MAPK8IP1: variants seen among roughly 807,000 people sequenced by gnomAD.
The protein encoded by MAPK8IP1 is mitogen-activated protein kinase 8 interacting protein 1, also known as C-Jun-amino-terminal kinase-interacting protein 1.
In MAPK8IP1, 17 loss-of-function variants were observed where a neutral mutation model predicts 72.6. That is an observed-to-expected ratio of 0.23 (90% CI 0.16 to 0.35). The LOEUF (loss-of-function observed/expected upper bound fraction) is 0.35, where lower values mean the gene tolerates loss of function less well. Among genes scored for constraint, MAPK8IP1 ranks in the 10% least tolerant of loss-of-function variants. The probability of loss-of-function intolerance (pLI) is 1.00; values close to 1 mark genes in which losing one functional copy is unlikely to be tolerated. For synonymous variants in MAPK8IP1, 401 were observed against 443.4 expected (o/e 0.90, Z 1.20); for missense variants, 789 against 1,009.7 (o/e 0.78, Z 2.96).
Position 45,902,738 on chromosome 11 carries a change from G to A in MAPK8IP1, c.971G>A (p.Arg324Gln), listed in dbSNP as rs771163572. ...GCCGCCTACCCCTCCACGGCAGGGC[G>A]GCCGCACCCCTCCATCAGTGAAGAG... Reference protein sequence around the residue: ...DPAAYPSTAGRPHPSISEEEE... With the variant: ...DPAAYPSTAGQPHPSISEEEE... The change falls in exon 5 of 12, where the codon CGG becomes CAG. Residue 324 changes from arginine to glutamine, a missense_variant. By Grantham distance (43) the Arg-to-Gln change is conservative. This residue lies in a region of MAPK8IP1 where 377 missense variants were observed against 411.7 expected (regional missense o/e 0.92). Coordinates refer to ENST00000241014, the MANE Select transcript of MAPK8IP1 (RefSeq NM_005456.4). This position sits in a 1 kb window ranked among gnomAD's most constrained non-coding sequence, Gnocchi z 9.3. 1.9e-5 allele frequency: 30 copies of A among 1,605,406 alleles called. No individual in the cohort carries two copies. Among genetic ancestry groups the A allele is most frequent in the South Asian group, 3.3e-5 (3 of 90,768 alleles).
rs1321911719 is a variant in MAPK8IP1, at chr11:45,905,825, C to T, written c.*104C>T. 3 of 1,164,828 alleles carry T rather than the reference C, an allele frequency of 2.6e-6. No individual in the cohort carries two copies. In the Admixed American group the frequency reaches 5.1e-5, roughly 20 times the overall value. 72.2% of individuals were successfully genotyped at this position (1,164,828 alleles called of 1,614,324 possible). ...GCTTGAGGAGGGGCACCTGCCACCG[C>T]CAGAGGACAAGGAAGTGGGGGCCGC... On this transcript the variant is annotated 3_prime_UTR_variant, in exon 12 of 12. Transcript: ENST00000241014.
rs1022548322 is a variant in MAPK8IP1, at chr11:45,900,969, G to A, written c.522+517G>A. Among the ~76,000 whole-genome samples, 4 of 152,140 alleles carry A rather than the reference G, an allele frequency of 2.6e-5. No homozygotes were observed. The highest frequency in any genetic ancestry group is 4.8e-5 in the African/African-American group (2 of 41,410). On this transcript the variant is annotated intron_variant, in intron 3 of 11. Coordinates refer to ENST00000241014, the MANE Select transcript of MAPK8IP1 (RefSeq NM_005456.4). This position sits in a 1 kb window ranked among gnomAD's most constrained non-coding sequence, Gnocchi z 6.5. ...GCAGCTGCGAATTCCCAGAAGGCAG[G>A]GGGGAGGAATGGGAGATGGAGCTGC...
Position 45,900,123 on chromosome 11 carries a change from C to T in MAPK8IP1, c.208-15C>T. On this transcript the variant is annotated splice_polypyrimidine_tract_variant and intron_variant, in intron 2 of 11. Coordinates refer to ENST00000241014, the MANE Select transcript of MAPK8IP1 (RefSeq NM_005456.4). The surrounding 1 kb of genome is among the most constrained non-coding windows in gnomAD (Gnocchi z 6.5). ...CCCGGCCCCGCCCCCTGACGCCCCTCCGTGCGCTGTGCAGCCCCCGCGCGC... is the reference window on the plus strand; with the variant it reads ...CCCGGCCCCGCCCCCTGACGCCCCTTCGTGCGCTGTGCAGCCCCCGCGCGC... 8.1e-7 allele frequency: 1 copy of T among 1,233,290 alleles called. No individual in the cohort carries two copies. The highest frequency in any genetic ancestry group is 3.4e-5 in the South Asian group (1 of 29,406). The allele number at this position is 1,233,290 out of a possible 1,614,324, so 76.4% of individuals were successfully genotyped here.
At chr11:45,890,577 G>A (rs543264176) in intron 1 of MAPK8IP1, among the ~76,000 whole-genome samples, 12 of 152,258 alleles carry the variant, frequency 7.9e-5, no homozygotes, top group Admixed American at 2.0e-4. Context: ...GTAAGAAGGA[G>A]GGACAGGTTC....
Position 45,900,067 on chromosome 11 carries a change from CG to C in MAPK8IP1, c.208-65del, listed in dbSNP as rs1228651012. 1.4e-5 allele frequency: 14 copies of C among 974,870 alleles called. No individual in the cohort carries two copies. Among genetic ancestry groups the C allele is most frequent in the Non-Finnish European group, 1.8e-5 (14 of 777,756 alleles). 60.4% of individuals were successfully genotyped at this position (974,870 alleles called of 1,614,324 possible). ...GCGCCACAGAATGGACTCGCCCGGG[CG>C]GGGGGCGGTGCAAGCGGCCTCGGCC... On this transcript the variant is annotated intron_variant, in intron 2 of 11. Coordinates refer to ENST00000241014, the MANE Select transcript of MAPK8IP1 (RefSeq NM_005456.4). This position sits in a 1 kb window ranked among gnomAD's most constrained non-coding sequence, Gnocchi z 6.5.
At chr11:45,887,145 C>T (rs967551894) in intron 1 of MAPK8IP1, among the ~76,000 whole-genome samples, 14 of 152,150 alleles carry the variant, frequency 9.2e-5, no homozygotes, top group Admixed American at 8.5e-4. Context: ...GCAAATACTG[C>T]CTCCCCACCT....
intron 1 of MAPK8IP1, chr11:45,897,058 T>A (rs903740770): frequency 1.6e-5 from 19 of 1,203,936 alleles, no homozygotes; most frequent in Non-Finnish European, 2.2e-5. Flanking sequence ...CTGGGCCTCC[T>A]AGGTTCCCCT....
intron 2 of MAPK8IP1, among the ~76,000 whole-genome samples, chr11:45,898,828 T>A (rs2086627612): frequency 6.6e-6 from 1 of 152,064 alleles, no homozygotes; most frequent in South Asian, 2.1e-4. Flanking sequence ...TGCCAGGAGG[T>A]CCCCAGCACC....
Position 45,902,638 on chromosome 11 carries a change from G to T in MAPK8IP1, c.871G>T (p.Asp291Tyr). ...CCTGACCCCAGTGCAGAGGCCCCCA[G>T]ACGCTGCAGAGCCCACCTCCGCCTT... is the stretch of plus-strand genomic sequence containing the variant. ...IYLTPVQRPP[D>Y]AAEPTSAFLP... The change falls in exon 5 of 12, where the codon GAC (aspartate) becomes TAC (tyrosine). Residue 291 changes from aspartate (D) to tyrosine (Y), a missense_variant. Coordinates refer to ENST00000241014, the MANE Select transcript of MAPK8IP1 (RefSeq NM_005456.4). This position sits in a 1 kb window ranked among gnomAD's most constrained non-coding sequence, Gnocchi z 9.3. 1 of 1,612,962 alleles carries T rather than the reference G, an allele frequency of 6.2e-7. No homozygotes were observed. Among genetic ancestry groups the T allele is most frequent in the Non-Finnish European group, 8.5e-7 (1 of 1,179,932 alleles).
intron 1 of MAPK8IP1, chr11:45,897,018 C>G: frequency 6.6e-7 from 1 of 1,511,946 alleles, no homozygotes; most frequent in African/African-American, 1.4e-5. Flanking sequence ...CTCAGGGTCT[C>G]TGATCTGAAT....
chr11:45,899,089 G>A (rs1281598915), intron 2 of MAPK8IP1, among the ~76,000 whole-genome samples: 2 of 152,180 alleles, frequency 1.3e-5, no homozygotes, highest in Admixed American at 1.3e-4. Context: ...GACTCAGTAA[G>A]CTCTGCAAGA....
intron 3 of MAPK8IP1, among the ~76,000 whole-genome samples, chr11:45,901,069 C>T (rs1031783717): frequency 2.6e-5 from 4 of 152,100 alleles, no homozygotes; most frequent in African/African-American, 9.7e-5. Context: ...GTTGGGGGAG[C>T]TGGCTGTGGC....
At chr11:45,898,540 A>G (rs181427824) in intron 2 of MAPK8IP1, among the ~76,000 whole-genome samples, 106 of 152,264 alleles carry the variant, frequency 7.0e-4, no homozygotes, top group Admixed American at 5.5e-3. Context: ...TTTTGGGAGC[A>G]GCCCTGGCAG....
At chr11:45,889,633 G>A (rs1486322484) in intron 1 of MAPK8IP1, among the ~76,000 whole-genome samples, 1 of 152,070 alleles carries the variant, frequency 6.6e-6, no homozygotes, top group Non-Finnish European at 1.5e-5. Flanking sequence ...TGTAGAAGGG[G>A]AATCGTGGAT....
chr11:45,905,345 TC>T, intron 11 of MAPK8IP1, 96 bp downstream of exon 11: 2 of 1,176,314 alleles, frequency 1.7e-6, no homozygotes, highest in Non-Finnish European at 2.5e-6. Context: ...CCCCTCGGTT[TC>T]CCCCGCAGCT....
At position 45,902,132 on chromosome 11, in the gene MAPK8IP1, C is replaced by T; in HGVS notation, c.604+71C>T. Reference sequence around the variant, plus strand: ...CTCAGTCCCCACTACAGAGAGCAAACCCTACAGTCTCCAAAGGGCTGAGTA... The same window carrying T: ...CTCAGTCCCCACTACAGAGAGCAAATCCTACAGTCTCCAAAGGGCTGAGTA... On this transcript the variant is annotated intron_variant, in intron 4 of 11. Transcript: ENST00000241014. This position sits in a 1 kb window ranked among gnomAD's most constrained non-coding sequence, Gnocchi z 9.3. 1 of 1,369,478 alleles carries T rather than the reference C, an allele frequency of 7.3e-7. No homozygotes were observed. The highest frequency in any genetic ancestry group is 1.0e-6 in the Non-Finnish European group (1 of 956,636). The allele number at this position is 1,369,478 out of a possible 1,614,324, so 84.8% of individuals were successfully genotyped here. A position where few individuals can be genotyped will look rare whatever the true frequency, so the allele number is the denominator to read the frequency against.
chr11:45,903,329 G>C lies in MAPK8IP1; in HGVS notation c.1418-36G>C. ...GCCCCGCTAAACCTGGATCAGAGCT[G>C]CGACCCCCCATCCAGCCACACCACC... On this transcript the variant is annotated intron_variant, in intron 5 of 11. Coordinates refer to ENST00000241014, the MANE Select transcript of MAPK8IP1 (RefSeq NM_005456.4). The surrounding 1 kb of genome is among the most constrained non-coding windows in gnomAD (Gnocchi z 6.4). The C allele has an allele frequency of 6.2e-7, 1 of 1,608,070 alleles. No individual in the cohort carries two copies. Among genetic ancestry groups the C allele is most frequent in the Non-Finnish European group, 8.5e-7 (1 of 1,175,538 alleles).
chr11:45,891,810 C>T (rs1404227350), intron 1 of MAPK8IP1, among the ~76,000 whole-genome samples: 1 of 152,214 alleles, frequency 6.6e-6, no homozygotes, highest in Non-Finnish European at 1.5e-5. Flanking sequence ...CATCACATTT[C>T]ATCTGCTGAT....
rs1590788404 is a variant in MAPK8IP1, at chr11:45,903,526, G to A, written c.1493+86G>A. The A allele has an allele frequency of 8.7e-7, 1 of 1,150,576 alleles. No individual in the cohort carries two copies. The highest frequency in any genetic ancestry group is 2.0e-5 in the Admixed American group (1 of 51,220). 71.3% of individuals were successfully genotyped at this position (1,150,576 alleles called of 1,614,324 possible). On this transcript the variant is annotated intron_variant, in intron 6 of 11. Transcript: ENST00000241014. This position sits in a 1 kb window ranked among gnomAD's most constrained non-coding sequence, Gnocchi z 6.4. Reference sequence around the variant, plus strand: ...TACTTGTCACCCCTACATGGCCTCAGCCTAACCCCTGCCATCAGCCTTCAT... The same window carrying A: ...TACTTGTCACCCCTACATGGCCTCAACCTAACCCCTGCCATCAGCCTTCAT...
Sources: gnomAD v4.1 joint callset for allele counts (sites outside exome capture counted in the v4.1 genomes callset) on GRCh38, gnomAD v4.1.1 for gene constraint, gnomAD v4.1.1 regional missense constraint, Gnocchi (gnomAD v3.1) non-coding constraint, MANE v1.5 for transcripts, NCBI Gene and HGNC (gene_info 2026-07-23, HGNC 2026-07-21) for gene names.